MCOLN2: variants seen among roughly 807,000 people sequenced by gnomAD.
MCOLN2 encodes the protein mucolipin-2.
Under a neutral mutation model 67.5 loss-of-function variants are expected in MCOLN2, and 57 were observed. The observed-to-expected ratio is 0.84, with a 90% CI of 0.68 to 1.05. The LOEUF (loss-of-function observed/expected upper bound fraction) is 1.05. Ranked by LOEUF, MCOLN2 falls within the 50% of genes least tolerant of loss-of-function variation. The pLI is 0.00. For missense variants in MCOLN2, 620 were observed against 678.8 expected (o/e 0.91, Z 0.96); for synonymous variants, 246 against 233.3 (o/e 1.05, Z -0.50).
intron 7 of MCOLN2, among the ~76,000 whole-genome samples, chr1:84,944,947 A>G (rs192820701): frequency 1.4e-4 from 22 of 152,334 alleles, no homozygotes; most frequent in Non-Finnish European, 2.6e-4. Context: ...TCCATTTCCT[A>G]AGATGGTTTC....
rs1557665035 is a variant in MCOLN2 at position 84,987,202 on chromosome 1, ATC to A, written c.77+9592_77+9593del. Among the ~76,000 whole-genome samples the A allele has an allele frequency of 8.0e-3, 771 of 96,408 alleles. 26 individuals carry two copies. The Admixed American group carries it at 0.081, about 10-fold the overall frequency. 63.2% of individuals were successfully genotyped at this position (96,408 alleles called of 152,430 possible). A position where few individuals can be genotyped will look rare whatever the true frequency, so the allele number is the denominator to read the frequency against. ...TATCTATCTATCTATCTATCTATCT[ATC>A]TATCTATATATATGGCATATATATA... On this transcript the variant is annotated intron_variant, in intron 1 of 13. Coordinates refer to ENST00000370608, the MANE Select transcript of MCOLN2 (RefSeq NM_153259.4).
At chr1:84,983,936 A>G (rs1453168782) in intron 1 of MCOLN2, among the ~76,000 whole-genome samples, 2 of 152,100 alleles carry the variant, frequency 1.3e-5, no homozygotes, top group South Asian at 2.1e-4. Context: ...GGCCTCCCAA[A>G]GTGCTGGGAT....
chr1:84,937,716 C>A (rs750008962), intron 11 of MCOLN2, 39 bp downstream of exon 11: 8 of 1,611,518 alleles, frequency 5.0e-6, no homozygotes, highest in Non-Finnish European at 6.8e-6. Context: ...AAGGGTCCCA[C>A]GTGCCCCATC....
In MCOLN2 at chr1:84,937,764, G is replaced by A. The variant is rs768442819; in HGVS notation, c.1326C>T (p.Tyr442=). 1.2e-6 allele frequency: 2 copies of A among 1,614,160 alleles called. No individual in the cohort carries two copies. Among genetic ancestry groups the A allele is most frequent in the East Asian group, 2.2e-5 (1 of 44,884 alleles). ...AATGTGAGCTACACACCTTGTCATGGTATGGTCCTAAGACAATCCAGCCAC... is the reference window on the plus strand; with the variant it reads ...AATGTGAGCTACACACCTTGTCATGATATGGTCCTAAGACAATCCAGCCAC... The part of the protein sequence containing the change: ...TFCGWIVLGP[Y]HDKFENLNTV... Residue 442 remains tyrosine (Y), a synonymous_variant, in exon 11 of 14, where the codon TAC becomes TAT. Coordinates refer to ENST00000370608, the MANE Select transcript of MCOLN2 (RefSeq NM_153259.4).
chr1:84,983,947 T>C (rs560530965), intron 1 of MCOLN2, among the ~76,000 whole-genome samples: 51 of 152,312 alleles, frequency 3.3e-4, no homozygotes, highest in African/African-American at 1.2e-3. Context: ...GTGCTGGGAT[T>C]ACAGGCGTGA....
chr1:84,956,349 A>G, intron 4 of MCOLN2, 82 bp downstream of exon 4: 1 of 1,435,740 alleles, frequency 7.0e-7, no homozygotes, highest in Non-Finnish European at 9.6e-7. Flanking sequence ...AAGTTTTTCC[A>G]TCTGGGTTGC....
chr1:84,987,256 T>C (rs1405639043), intron 1 of MCOLN2, among the ~76,000 whole-genome samples: 1 of 47,294 alleles, frequency 2.1e-5, no homozygotes, highest in East Asian at 7.5e-4. Flanking sequence ...TATATAGATA[T>C]ACATATAGAT....
At chr1:84,929,816 A>C (rs190678764) in intron 12 of MCOLN2, 137 bp from the exon 13 acceptor site, 1 of 713,630 alleles carries the variant, frequency 1.4e-6, no homozygotes, top group Non-Finnish European at 2.2e-6. Context: ...GATATTTACA[A>C]TGATGAATCA....
At position 84,965,357 on chromosome 1, in the gene MCOLN2, G is replaced by A. The variant is rs189349271; in HGVS notation, c.237+192C>T. Reference sequence around the variant, plus strand: ...TAGAATCTGTACAGAGAGGCCCTCAGGATCTCTTACTATGACAAGGTTGTC... The same window carrying A: ...TAGAATCTGTACAGAGAGGCCCTCAAGATCTCTTACTATGACAAGGTTGTC... On this transcript the variant is annotated intron_variant, in intron 2 of 13. Coordinates refer to ENST00000370608, the MANE Select transcript of MCOLN2 (RefSeq NM_153259.4). Among the ~76,000 whole-genome samples the A allele has an allele frequency of 1.2e-4, 19 of 152,278 alleles. No homozygotes were observed. The East Asian group carries it at 3.7e-3, about 29-fold the overall frequency.
intron 1 of MCOLN2, among the ~76,000 whole-genome samples, chr1:84,994,101 T>G (rs1329659281): frequency 6.6e-6 from 1 of 152,232 alleles, no homozygotes; most frequent in Admixed American, 6.5e-5. Flanking sequence ...AATCTTTTTT[T>G]CTGAGCAGTA....
intron 1 of MCOLN2, among the ~76,000 whole-genome samples, chr1:84,978,997 T>C (rs1225511538): frequency 2.0e-5 from 3 of 152,096 alleles, no homozygotes; most frequent in African/African-American, 4.8e-5. Flanking sequence ...GAGAAAGACA[T>C]AGGGTGGAAG....
At chr1:84,992,105 C>T (rs1171843919) in intron 1 of MCOLN2, among the ~76,000 whole-genome samples, 1 of 152,200 alleles carries the variant, frequency 6.6e-6, no homozygotes, top group Non-Finnish European at 1.5e-5. Context: ...TGAATCCCTA[C>T]ATTCTAGCTA....
chr1:84,935,624 T>C (rs1319668661), intron 11 of MCOLN2, among the ~76,000 whole-genome samples: 1 of 152,212 alleles, frequency 6.6e-6, no homozygotes, highest in East Asian at 1.9e-4. Flanking sequence ...TTGGGTATAT[T>C]AGGCTTAAAA....
chr1:84,939,672 T>C lies in MCOLN2; in HGVS notation c.991A>G (p.Lys331Glu). 2.5e-6 allele frequency: 4 copies of C among 1,614,042 alleles called. No homozygotes were observed. The highest frequency in any genetic ancestry group is 3.4e-6 in the Non-Finnish European group (4 of 1,179,954). ...TGGTCGGTGTCACACACAGGCCGCT[T>C]GTACTTCTCCAGGAAGAAATTTAGA... ...RFLNFFLEKYKRPVCDTDQWE... is the reference protein window; with the variant it reads ...RFLNFFLEKYERPVCDTDQWE... Residue 331 changes from lysine to glutamate, a missense_variant, in exon 9 of 14, where the codon AAG becomes GAG. By Grantham distance (56) the Lys-to-Glu change is moderately conservative (BLOSUM62 1). Coordinates refer to ENST00000370608, the MANE Select transcript of MCOLN2 (RefSeq NM_153259.4).
intron 2 of MCOLN2, among the ~76,000 whole-genome samples, chr1:84,961,693 G>A (rs1649095333): frequency 6.6e-6 from 1 of 152,126 alleles, no homozygotes; most frequent in African/African-American, 2.4e-5. Flanking sequence ...GGCATTGACA[G>A]CAAAATGCAT....
At chr1:84,970,647 C>T (rs1046103858) in intron 1 of MCOLN2, among the ~76,000 whole-genome samples, 3 of 152,142 alleles carry the variant, frequency 2.0e-5, no homozygotes, top group African/African-American at 7.2e-5. Context: ...TGCACCACTG[C>T]ACTTCAGCCT....
At chr1:84,966,168 C>T (rs1276937862) in intron 1 of MCOLN2, among the ~76,000 whole-genome samples, 1 of 152,072 alleles carries the variant, frequency 6.6e-6, no homozygotes, top group Non-Finnish European at 1.5e-5. Flanking sequence ...AGGAGAATTG[C>T]TTGAACCCAG....
chr1:84,939,995 A>G (rs927444340), intron 8 of MCOLN2, among the ~76,000 whole-genome samples: 1 of 152,078 alleles, frequency 6.6e-6, no homozygotes, highest in Non-Finnish European at 1.5e-5. Flanking sequence ...TTACCAACAC[A>G]TCCATTCCGA....
At chr1:84,931,277 T>C in intron 12 of MCOLN2, 85 bp downstream of exon 12, 1 of 886,100 alleles carries the variant, frequency 1.1e-6, no homozygotes. Flanking sequence ...CTGTAATATT[T>C]TAAGTTTTTA....
Sources: gnomAD v4.1 joint callset for allele counts (sites outside exome capture counted in the v4.1 genomes callset) on GRCh38, gnomAD v4.1.1 for gene constraint, MANE v1.5 for transcripts, NCBI Gene and HGNC (gene_info 2026-07-23, HGNC 2026-07-21) for gene names.